The following YES1 variants were observed in gnomAD, a reference collection of about 807,000 sequenced individuals.
YES1 encodes the protein YES proto-oncogene 1, Src family tyrosine kinase.
In YES1, 39 loss-of-function variants were observed where a neutral mutation model predicts 70.4. The ratio of observed to expected loss-of-function variants is 0.55; its 90% CI spans 0.43 to 0.72. YES1 has a LOEUF of 0.72. Ranked by LOEUF, YES1 falls within the 30% of genes least tolerant of loss-of-function variation. The pLI, the probability that YES1 is intolerant of heterozygous loss-of-function variation, is 0.00. For missense variants in YES1, 495 were observed against 644.8 expected, an observed-to-expected ratio of 0.77 and a Z score of 2.52; for synonymous variants, 198 against 218.6, an observed-to-expected ratio of 0.91 and a Z score of 0.83.
intron 1 of YES1, among the ~76,000 whole-genome samples, chr18:762,849 A>T (rs1360153106): frequency 6.6e-6 from 1 of 152,262 alleles, no homozygotes; most frequent in Non-Finnish European, 1.5e-5. Context: ...AAAGGTCACA[A>T]ATGTATGAAA....
At chr18:746,795 C>T (rs1157679791) in intron 4 of YES1, among the ~76,000 whole-genome samples, 1 of 152,116 alleles carries the variant, frequency 6.6e-6, no homozygotes, top group Non-Finnish European at 1.5e-5. Flanking sequence ...TTAAAAGTTG[C>T]AAAAATAGGA....
intron 1 of YES1, among the ~76,000 whole-genome samples, chr18:782,635 G>A (rs1346561528): frequency 3.3e-5 from 5 of 152,168 alleles, no homozygotes; most frequent in Admixed American, 6.5e-5. Context: ...AATCTTATAT[G>A]AATGGGAAAT....
At chr18:757,294 G>C (rs1319906679) in intron 1 of YES1, among the ~76,000 whole-genome samples, 16 of 151,624 alleles carry the variant, frequency 1.1e-4, no homozygotes, top group Admixed American at 3.3e-4. Context: ...ACGAGGTCAG[G>C]AGATTGAGAC....
At chr18:764,975 C>A (rs769569984) in intron 1 of YES1, among the ~76,000 whole-genome samples, 11 of 151,934 alleles carry the variant, frequency 7.2e-5, no homozygotes, top group South Asian at 4.2e-4. Flanking sequence ...ACCTTGTGAT[C>A]CGTCCGCCTT....
intron 8 of YES1, among the ~76,000 whole-genome samples, chr18:742,167 G>A (rs1326625348): frequency 6.6e-6 from 1 of 152,150 alleles, no homozygotes; most frequent in Non-Finnish European, 1.5e-5. Context: ...AGGCCTGTCA[G>A]CTTATCTGCT....
intron 11 of YES1, among the ~76,000 whole-genome samples, chr18:727,947 AG>A (rs377621960): frequency 6.6e-6 from 1 of 152,336 alleles, no homozygotes; most frequent in African/African-American, 2.4e-5. Context: ...GTTTGGGACC[AG>A]AAGTGTTTCC....
intron 1 of YES1, among the ~76,000 whole-genome samples, chr18:764,765 T>C (rs1007566530): frequency 2.6e-5 from 4 of 151,936 alleles, no homozygotes; most frequent in Non-Finnish European, 5.9e-5. Flanking sequence ...CGGAGTCTCG[T>C]TCTGTCACCC....
chr18:801,128 A>G (rs1906798145), intron 1 of YES1, among the ~76,000 whole-genome samples: 1 of 152,182 alleles, frequency 6.6e-6, no homozygotes, highest in South Asian at 2.1e-4. Context: ...CCTGGGCAAC[A>G]GAGCGAGACT....
chr18:784,946 T>C (rs1220680789), intron 1 of YES1, among the ~76,000 whole-genome samples: 1 of 152,182 alleles, frequency 6.6e-6, no homozygotes, highest in Non-Finnish European at 1.5e-5. Context: ...GGAGTCAAGA[T>C]GCTGCCTACC....
chr18:735,161 C>CAAAAAAAAAAAA (rs71174281), intron 10 of YES1, among the ~76,000 whole-genome samples: 28 of 110,650 alleles, frequency 2.5e-4, no homozygotes, highest in East Asian at 3.3e-4. Flanking sequence ...TGTCTCAAAG[C>CAAAAAAAAAAAA]AAAAAAAAAA....
At chr18:736,662 T>C in intron 10 of YES1, 146 bp downstream of exon 10, 2 of 1,089,100 alleles carry the variant, frequency 1.8e-6, no homozygotes, top group Non-Finnish European at 1.3e-6. Flanking sequence ...GCCACAGCAG[T>C]ACATGATTTT....
At chr18:786,507 A>G (rs1474692064) in intron 1 of YES1, among the ~76,000 whole-genome samples, 1 of 144,572 alleles carries the variant, frequency 6.9e-6, no homozygotes, top group African/African-American at 2.8e-5. Flanking sequence ...ACACACACAC[A>G]CACACACACA....
At chr18:764,077 A>G (rs547109727) in intron 1 of YES1, among the ~76,000 whole-genome samples, 4,830 of 150,312 alleles carry the variant, frequency 0.032, 138 homozygotes, top group Non-Finnish European at 0.044. Context: ...CCGAGATCAC[A>G]CCACTGCACT....
intron 1 of YES1, among the ~76,000 whole-genome samples, chr18:809,629 G>C (rs975949368): frequency 2.0e-5 from 3 of 152,118 alleles, no homozygotes. Flanking sequence ...TATACATACA[G>C]CTGGTATATG....
At chr18:741,441 A>G (rs1256604723) in intron 8 of YES1, among the ~76,000 whole-genome samples, 4 of 151,892 alleles carry the variant, frequency 2.6e-5, no homozygotes, top group African/African-American at 9.7e-5. Flanking sequence ...GGGTTTCACC[A>G]TGTTGCTCAG....
At chr18:728,370 G>A (rs963060388) in intron 11 of YES1, among the ~76,000 whole-genome samples, 2 of 151,916 alleles carry the variant, frequency 1.3e-5, no homozygotes, top group African/African-American at 4.8e-5. Flanking sequence ...TATACATATA[G>A]CCTGAAGGTA....
At chr18:743,968 A>C (rs2145709210) in intron 6 of YES1, among the ~76,000 whole-genome samples, 1 of 149,450 alleles carries the variant, frequency 6.7e-6, no homozygotes, top group African/African-American at 2.4e-5. Flanking sequence ...TGTATATACT[A>C]ATATATAGTA....
intron 1 of YES1, among the ~76,000 whole-genome samples, chr18:806,453 A>G (rs1034198240): frequency 1.3e-5 from 2 of 152,230 alleles, no homozygotes; most frequent in African/African-American, 4.8e-5. Flanking sequence ...AAAAGTATTA[A>G]GCTAGTTTTA....
chr18:732,890 C>T lies in YES1; in HGVS notation c.1367G>A (p.Trp456Ter). The T allele has an allele frequency of 6.2e-7, 1 of 1,614,186 alleles. No individual in the cohort carries two copies. Among genetic ancestry groups the T allele is most frequent in the Non-Finnish European group, 8.5e-7 (1 of 1,180,038 alleles). The change falls in exon 11 of 12, where the codon TGG (tryptophan) becomes TAG (stop). Residue 456 changes from tryptophan to a stop codon, truncating the protein, a stop_gained. Transcript: ENST00000314574. LOFTEE classifies it high-confidence loss of function. ...TTCTGTTTGCAGAATTCCAAATGACCAGACATCAGACTTTATTGTAAACCG... is the reference window on the plus strand; with the variant it reads ...TTCTGTTTGCAGAATTCCAAATGACTAGACATCAGACTTTATTGTAAACCG... ...YGRFTIKSDVWSFGILQTELV... is the reference protein window; with the variant it reads ...YGRFTIKSDV
Sources: gnomAD v4.1 joint callset for allele counts (sites outside exome capture counted in the v4.1 genomes callset) on GRCh38, gnomAD v4.1.1 for gene constraint, MANE v1.5 for transcripts, NCBI Gene and HGNC (gene_info 2026-07-23, HGNC 2026-07-21) for gene names.